The following DYNC2I1 variants were observed in gnomAD, a reference collection of about 807,000 sequenced individuals.
The protein encoded by DYNC2I1 is cytoplasmic dynein 2 intermediate chain 1.
In DYNC2I1, 89 loss-of-function variants were observed where a neutral mutation model predicts 133.4. The ratio of observed to expected loss-of-function variants is 0.67; its 90% confidence interval spans 0.56 to 0.80. The LOEUF is 0.80. Among genes scored for constraint, DYNC2I1 ranks in the 30% least tolerant of loss-of-function variants. The pLI is 0.00. For synonymous variants in DYNC2I1, 504 were observed against 484.3 expected, an observed-to-expected ratio of 1.04 and a Z score of -0.54; for missense variants, 1,291 against 1,314.5, an observed-to-expected ratio of 0.98 and a Z score of 0.28.
chr7:158,945,694 G>C lies in DYNC2I1; in HGVS notation c.3116G>C (p.Trp1039Ser). 1 of 1,612,086 alleles carries C rather than the reference G, an allele frequency of 6.2e-7. No homozygotes were observed. Among genetic ancestry groups the C allele is most frequent in the Non-Finnish European group, 8.5e-7 (1 of 1,179,148 alleles). ...GACATCCAGCACCTGAAGAGGCGGT[G>C]GGCGGCCCCGGAGGTGGACGAGTGC... ...SIDIQHLKRR[W>S]AAPEVDECNR... Residue 1039 changes from tryptophan to serine, a missense_variant, in exon 25 of 25, where the codon TGG becomes TCG. By Grantham distance (177) the Trp-to-Ser change is radical. Transcript: ENST00000407559. This position sits in a 1 kb window ranked among gnomAD's most constrained non-coding sequence, Gnocchi z 4.1.
intron 1 of DYNC2I1, among the ~76,000 whole-genome samples, chr7:158,865,126 T>C (rs1473892399): frequency 2.0e-5 from 3 of 152,202 alleles, no homozygotes; most frequent in Admixed American, 6.5e-5. Context: ...TTGCTTTCCA[T>C]CTGGGCTGTG....
chr7:158,876,716 A>G (rs778673710), intron 4 of DYNC2I1, 25 bp downstream of exon 4: 12 of 1,525,402 alleles, frequency 7.9e-6, no homozygotes, highest in Admixed American at 2.6e-5. Context: ...GCCTGGGGAA[A>G]AGTTTTCCAA....
chr7:158,858,946 C>CCCTTT (rs1554436134), intron 1 of DYNC2I1, among the ~76,000 whole-genome samples: 1 of 23,548 alleles, frequency 4.2e-5, no homozygotes, highest in Admixed American at 3.7e-4. Context: ...TCCTTTCCTC[C>CCCTTT]CCTCCCCTCC....
intron 24 of DYNC2I1, among the ~76,000 whole-genome samples, chr7:158,944,763 T>A (rs2527200): frequency 6.6e-6 from 1 of 152,002 alleles, no homozygotes; most frequent in African/African-American, 2.4e-5. Flanking sequence ...TGGCACCAAG[T>A]TGGATCTCAA....
intron 5 of DYNC2I1, among the ~76,000 whole-genome samples, chr7:158,884,016 T>C (rs977903457): frequency 6.7e-6 from 1 of 149,388 alleles, no homozygotes; most frequent in Non-Finnish European, 1.5e-5. Context: ...TGTTATCCTA[T>C]CTGCCACACC....
intron 8 of DYNC2I1, among the ~76,000 whole-genome samples, chr7:158,895,249 G>T (rs1397885843): frequency 1.3e-5 from 2 of 152,274 alleles, no homozygotes; most frequent in African/African-American, 2.4e-5. Context: ...GATTTGTCCT[G>T]TGCTATTTCC....
At chr7:158,935,294 A>G (rs1850639093) in intron 23 of DYNC2I1, among the ~76,000 whole-genome samples, 1 of 152,224 alleles carries the variant, frequency 6.6e-6, no homozygotes, top group African/African-American at 2.4e-5. Flanking sequence ...AGCCCAGCTC[A>G]CCCTAGTCAC....
chr7:158,885,462 C>G (rs935725151), intron 6 of DYNC2I1, among the ~76,000 whole-genome samples: 1 of 152,022 alleles, frequency 6.6e-6, no homozygotes, highest in Non-Finnish European at 1.5e-5. Flanking sequence ...CTGCCTCAGC[C>G]TCCCAAGTAG....
At chr7:158,958,635 T>C (rs1300409967), downstream of DYNC2I1, among the ~76,000 whole-genome samples, 10 of 152,358 alleles carry the variant, frequency 6.6e-5, no homozygotes, top group East Asian at 1.9e-3. Context: ...AGTTTCTAGT[T>C]TTCAGCCAGA....
At chr7:158,861,766 G>A (rs1455226850) in intron 1 of DYNC2I1, among the ~76,000 whole-genome samples, 1 of 152,206 alleles carries the variant, frequency 6.6e-6, no homozygotes, top group Non-Finnish European at 1.5e-5. Context: ...CCAGGGCCTA[G>A]GTGAGTGAAT....
chr7:158,917,405 A>G (rs1378691707), intron 14 of DYNC2I1, among the ~76,000 whole-genome samples: 1 of 116,958 alleles, frequency 8.6e-6, no homozygotes, highest in Admixed American at 8.7e-5. Context: ...CTCTCACTAA[A>G]CACCTCCTGT....
In DYNC2I1 at chr7:158,889,157, TGCAAGCTCTGCC is replaced by T. The variant is rs200337998; in HGVS notation, c.990+2083_990+2094del. On this transcript the variant is annotated intron_variant, in intron 7 of 24. Coordinates refer to ENST00000407559, the MANE Select transcript of DYNC2I1 (RefSeq NM_018051.5). ...GCGCAGTGGCGCGATCTTGGCTCAC[TGCAAGCTCTGCC>T]TCCCGGGTTCACGCCATTCTCCTGC... Among the ~76,000 whole-genome samples, 911 of 150,300 alleles carry T rather than the reference TGCAAGCTCTGCC, an allele frequency of 6.1e-3. 55 individuals are homozygous for T. In the East Asian group the frequency reaches 0.13, roughly 22 times the overall value.
At chr7:158,841,208 TA>T in the DYNC2I1 span, among the ~76,000 whole-genome samples, 298 of 73,096 alleles carry the variant, frequency 4.1e-3, 17 homozygotes, top group Non-Finnish European at 5.9e-3. Context: ...TATATATATA[TA>T]TATATATATA....
intron 8 of DYNC2I1, among the ~76,000 whole-genome samples, chr7:158,900,908 G>C (rs568179035): frequency 6.6e-6 from 1 of 151,744 alleles, no homozygotes; most frequent in African/African-American, 2.4e-5. Flanking sequence ...TTTTGACCTC[G>C]AACTTTCCTT....
chr7:158,958,530 T>G (rs989288922), downstream of DYNC2I1, among the ~76,000 whole-genome samples: 60 of 152,208 alleles, frequency 3.9e-4, no homozygotes, highest in Middle Eastern at 3.2e-3. Flanking sequence ...GTATCTTGGC[T>G]TCACACACTA....
intron 20 of DYNC2I1, among the ~76,000 whole-genome samples, chr7:158,927,374 G>C (rs1849726969): frequency 1.3e-5 from 2 of 149,286 alleles, no homozygotes; most frequent in African/African-American, 2.5e-5. Context: ...CTACACTCCA[G>C]CCTGGGTGAT....
intron 4 of DYNC2I1, among the ~76,000 whole-genome samples, chr7:158,953,797 ATATATATG>A (rs1852123456): frequency 6.6e-6 from 1 of 152,048 alleles, no homozygotes; most frequent in East Asian, 1.9e-4. Context: ...TATATATGTT[ATATATATG>A]CCTACAAATT....
chr7:158,858,915 T>C (rs572846724), intron 1 of DYNC2I1, among the ~76,000 whole-genome samples: 1 of 28,150 alleles, frequency 3.6e-5, no homozygotes, highest in African/African-American at 1.8e-4. Flanking sequence ...TCCCCTCCCC[T>C]CTCCCCTCCC....
rs1278412219 is a variant in DYNC2I1 at position 158,882,523 on chromosome 7, C to CAGTGAGCTGT, written c.880-2040_880-2031dup. Among the ~76,000 whole-genome samples the CAGTGAGCTGT allele has an allele frequency of 4.6e-5, 7 of 152,150 alleles. No homozygotes were observed. The East Asian group carries it at 1.4e-3, about 29-fold the overall frequency. On this transcript the variant is annotated intron_variant, in intron 5 of 24. Transcript: ENST00000407559. ...ACTTGAGCCGAGGAGGTCAAGCCTG[C>CAGTGAGCTGT]AGTGAGCTGTGATCATATCACTGCA...
Sources: allele counts gnomAD v4.1 joint callset (sites outside exome capture counted in the v4.1 genomes callset), GRCh38; gene constraint gnomAD v4.1.1; non-coding constraint Gnocchi (gnomAD v3.1); transcripts MANE v1.5; gene names NCBI Gene and HGNC (gene_info 2026-07-23, HGNC 2026-07-21).